Variants in UNC13C observed in about 807,000 individuals in gnomAD.
The protein encoded by UNC13C is unc-13 homolog C.
In UNC13C, 174 loss-of-function variants were observed where a neutral mutation model predicts 245.4. The ratio of observed to expected loss-of-function variants is 0.71; its 90% CI spans 0.63 to 0.80. The LOEUF (loss-of-function observed/expected upper bound fraction) is 0.80. Ranked by LOEUF, UNC13C falls within the 30% of genes least tolerant of loss-of-function variation. The probability of loss-of-function intolerance (pLI) is 0.00; values close to 1 mark genes in which losing one functional copy is unlikely to be tolerated. For synonymous variants in UNC13C, 992 were observed against 895.1 expected (o/e 1.11, Z -1.93); for missense variants, 2,829 against 2,602.9 (o/e 1.09, Z -1.89).
intron 19 of UNC13C, among the ~76,000 whole-genome samples, chr15:54,484,259 G>GTTTTA (rs1414889499): frequency 6.6e-6 from 1 of 152,170 alleles, no homozygotes; most frequent in Non-Finnish European, 1.5e-5. Flanking sequence ...TTGTATTGCA[G>GTTTTA]TTTTATAAAT....
chr15:54,101,194 G>C (rs1376020826), intron 2 of UNC13C, among the ~76,000 whole-genome samples: 1 of 151,724 alleles, frequency 6.6e-6, no homozygotes, highest in Non-Finnish European at 1.5e-5. Flanking sequence ...CTGTTAATCT[G>C]CTTCTATCAT....
chr15:54,510,373 C>T (rs1286823933), intron 23 of UNC13C, among the ~76,000 whole-genome samples: 3 of 152,194 alleles, frequency 2.0e-5, no homozygotes, highest in Non-Finnish European at 4.4e-5. Flanking sequence ...GTTCAAGATG[C>T]TGAATCCTCT....
At chr15:54,302,232 C>G (rs1204716642) in intron 13 of UNC13C, among the ~76,000 whole-genome samples, 2 of 152,060 alleles carry the variant, frequency 1.3e-5, no homozygotes, top group Non-Finnish European at 2.9e-5. Context: ...TTCTCTCATT[C>G]TGTAGGTTGC....
chr15:54,442,251 T>C (rs1890567888), intron 19 of UNC13C, among the ~76,000 whole-genome samples: 4 of 50,860 alleles, frequency 7.9e-5, no homozygotes, highest in Admixed American at 7.1e-4. Context: ...GTTCCAGTTC[T>C]TTTTTTTTTT....
intron 4 of UNC13C, among the ~76,000 whole-genome samples, chr15:54,177,542 A>G (rs2033657136): frequency 6.6e-6 from 1 of 152,278 alleles, no homozygotes; most frequent in South Asian, 2.1e-4. Context: ...GCCATAAACC[A>G]GTGGAAAGGA....
At chr15:54,304,217 C>T (rs1339339767) in intron 13 of UNC13C, among the ~76,000 whole-genome samples, 2 of 152,044 alleles carry the variant, frequency 1.3e-5, no homozygotes, top group Non-Finnish European at 2.9e-5. Context: ...AACAGAAACT[C>T]GGAATTTGGT....
the UNC13C span, among the ~76,000 whole-genome samples, chr15:53,919,497 C>T: frequency 2.0e-5 from 3 of 152,278 alleles, no homozygotes; most frequent in East Asian, 3.9e-4. Context: ...TGGAGCTGCT[C>T]AGGTGTTGAT....
At chr15:54,418,956 G>A (rs1171427368) in intron 19 of UNC13C, among the ~76,000 whole-genome samples, 3 of 151,922 alleles carry the variant, frequency 2.0e-5, no homozygotes, top group Non-Finnish European at 4.4e-5. Context: ...CTTCCAACCC[G>A]CACACTCCCT....
intron 2 of UNC13C, among the ~76,000 whole-genome samples, chr15:54,076,063 C>CTTTTTTTTTTTTTTTT (rs369248247): frequency 8.0e-6 from 1 of 124,884 alleles, no homozygotes; most frequent in Admixed American, 8.3e-5. Context: ...CACTTAGATT[C>CTTTTTTTTTTTTTTTT]TTTTTTTTTT....
intron 2 of UNC13C, among the ~76,000 whole-genome samples, chr15:54,082,035 A>C (rs1437674109): frequency 2.0e-5 from 3 of 152,124 alleles, no homozygotes; most frequent in Non-Finnish European, 1.5e-5. Context: ...TTTCTTTTTC[A>C]CTTATGGAGT....
At chr15:53,931,882 A>C in the UNC13C span, among the ~76,000 whole-genome samples, 52 of 152,166 alleles carry the variant, frequency 3.4e-4, no homozygotes, top group African/African-American at 1.1e-3. Context: ...TAGGCATGAA[A>C]TCATTTACCA....
chr15:54,178,293 C>T (rs1007769096), intron 4 of UNC13C, among the ~76,000 whole-genome samples: 1 of 151,954 alleles, frequency 6.6e-6, no homozygotes, highest in African/African-American at 2.4e-5. Flanking sequence ...CCCATATCTT[C>T]TCTCCACATG....
At chr15:54,285,798 C>T (rs949096095) in intron 10 of UNC13C, among the ~76,000 whole-genome samples, 4 of 151,404 alleles carry the variant, frequency 2.6e-5, no homozygotes, top group African/African-American at 9.7e-5. Context: ...GATATATACG[C>T]TTATAGCTTA....
chr15:54,245,004 G>A (rs746826738), intron 7 of UNC13C, among the ~76,000 whole-genome samples: 52 of 152,068 alleles, frequency 3.4e-4, no homozygotes, highest in Non-Finnish European at 5.6e-4. Context: ...ATACTATGTT[G>A]AATAGGAGTG....
intron 4 of UNC13C, among the ~76,000 whole-genome samples, chr15:54,202,001 G>T (rs1324617276): frequency 6.6e-6 from 1 of 151,962 alleles, no homozygotes; most frequent in African/African-American, 2.4e-5. Context: ...CAAATTGGTA[G>T]CTCTGCTATA....
At chr15:54,618,478 T>C (rs995094227) in intron 30 of UNC13C, among the ~76,000 whole-genome samples, 1 of 152,194 alleles carries the variant, frequency 6.6e-6, no homozygotes, top group Non-Finnish European at 1.5e-5. Context: ...ATAAAGAATA[T>C]GATGTTAGAT....
intron 4 of UNC13C, among the ~76,000 whole-genome samples, chr15:54,215,301 C>A (rs748244886): frequency 4.6e-5 from 7 of 151,836 alleles, no homozygotes; most frequent in Non-Finnish European, 1.0e-4. Context: ...ATACCAAAAA[C>A]CTAGGACCAT....
intron 4 of UNC13C, among the ~76,000 whole-genome samples, chr15:54,161,393 T>C (rs889117127): frequency 2.0e-5 from 3 of 152,210 alleles, no homozygotes; most frequent in African/African-American, 7.2e-5. Flanking sequence ...TGGACATCGT[T>C]TGACAGTGGT....
At chr15:54,002,350 G>A (rs1045164945) in intron 1 of UNC13C, among the ~76,000 whole-genome samples, 2 of 152,006 alleles carry the variant, frequency 1.3e-5, no homozygotes, top group African/African-American at 4.8e-5. Context: ...TAAGTCTCGA[G>A]TAAGTCGCTT....
Sources: allele counts gnomAD v4.1 joint callset (sites outside exome capture counted in the v4.1 genomes callset), GRCh38; gene constraint gnomAD v4.1.1; transcripts MANE v1.5; gene names NCBI Gene and HGNC (gene_info 2026-07-23, HGNC 2026-07-21).